Variants in PTPRG observed in about 807,000 individuals in gnomAD.
PTPRG encodes protein tyrosine phosphatase receptor type G.
A neutral mutation model predicts 165.3 loss-of-function variants in PTPRG; 102 were observed. That is an observed-to-expected ratio of 0.62 (90% CI 0.53 to 0.73). The LOEUF (loss-of-function observed/expected upper bound fraction) is 0.73. PTPRG is among the 30% of genes least tolerant of loss of function. The pLI is 0.00. For synonymous variants in PTPRG, 675 were observed against 669.5 expected (o/e 1.01, Z -0.13); for missense variants, 1,866 against 1,861.4 (o/e 1.00, Z -0.05).
At chr3:62,099,581 AG>A (rs1702219778) in intron 5 of PTPRG, among the ~76,000 whole-genome samples, 1 of 152,140 alleles carries the variant, frequency 6.6e-6, no homozygotes, top group Non-Finnish European at 1.5e-5. Context: ...GGAAAAAAAA[AG>A]AAAAAACTTA....
chr3:61,634,437 A>C (rs1222724255), intron 1 of PTPRG, among the ~76,000 whole-genome samples: 2 of 151,848 alleles, frequency 1.3e-5, no homozygotes, highest in African/African-American at 4.8e-5. Context: ...ACGGGGTTTC[A>C]GTATGTTGGC....
Position 62,219,630 on chromosome 3 carries a change from G to A in PTPRG, c.2288+647G>A, listed in dbSNP as rs148880101. ...CTGAGCAACTCCGTCAAGCCCACTC[G>A]TTTGGCCTGGGTGCCCTCACCTCTC... On this transcript the variant is annotated intron_variant, in intron 13 of 29. Coordinates refer to ENST00000474889, the MANE Select transcript of PTPRG (RefSeq NM_002841.4). The surrounding 1 kb of genome is among the most constrained non-coding windows in gnomAD (Gnocchi z 4.5). Among the ~76,000 whole-genome samples the A allele has an allele frequency of 1.1e-3, 168 of 152,294 alleles. 3 individuals carry two copies. The East Asian group carries it at 0.028, about 26-fold the overall frequency.
intron 8 of PTPRG, among the ~76,000 whole-genome samples, chr3:62,169,552 T>C (rs187339121): frequency 1.3e-5 from 2 of 152,072 alleles, no homozygotes; most frequent in Admixed American, 6.6e-5. Flanking sequence ...CTCACACCTC[T>C]CCTCTCAGGC....
intron 1 of PTPRG, among the ~76,000 whole-genome samples, chr3:61,617,926 AAC>A (rs1701340686): frequency 6.6e-6 from 1 of 152,240 alleles, no homozygotes; most frequent in Non-Finnish European, 1.5e-5. Context: ...CCTGTAGGAA[AAC>A]GTCTGATAGT....
intron 11 of PTPRG, among the ~76,000 whole-genome samples, chr3:62,202,900 C>T (rs1700128474): frequency 6.6e-6 from 1 of 152,190 alleles, no homozygotes; most frequent in African/African-American, 2.4e-5. Flanking sequence ...CACCTAGCCT[C>T]ATCTTGGGTA....
intron 4 of PTPRG, among the ~76,000 whole-genome samples, chr3:62,049,120 CAAAA>C (rs200692890): frequency 7.3e-6 from 1 of 136,506 alleles, no homozygotes; most frequent in Non-Finnish European, 1.6e-5. Context: ...CAAAACAAAA[CAAAA>C]AAAAAAACAG....
intron 1 of PTPRG, among the ~76,000 whole-genome samples, chr3:61,598,881 T>C (rs757005133): frequency 1.3e-5 from 2 of 152,134 alleles, no homozygotes; most frequent in Non-Finnish European, 2.9e-5. Context: ...CATGTTCACC[T>C]GGTGTTCTCC....
intron 2 of PTPRG, among the ~76,000 whole-genome samples, chr3:61,900,560 C>T (rs1399297315): frequency 6.6e-6 from 1 of 152,118 alleles, no homozygotes; most frequent in African/African-American, 2.4e-5. Context: ...CCAAACACCT[C>T]CTCTTCAAAT....
intron 4 of PTPRG, among the ~76,000 whole-genome samples, chr3:62,004,673 G>A (rs899456925): frequency 2.0e-5 from 3 of 152,202 alleles, no homozygotes; most frequent in African/African-American, 4.8e-5. Context: ...GGCTTTCTGT[G>A]CAGCGAGCAG....
intron 5 of PTPRG, among the ~76,000 whole-genome samples, chr3:62,106,162 G>T (rs539834120): frequency 6.6e-6 from 1 of 152,112 alleles, no homozygotes; most frequent in Non-Finnish European, 1.5e-5. Flanking sequence ...AAGGTGATAT[G>T]GGCAGATTTT....
chr3:62,291,398 G>C (rs1057259174), intron 28 of PTPRG, among the ~76,000 whole-genome samples: 2 of 152,038 alleles, frequency 1.3e-5, no homozygotes, highest in East Asian at 3.9e-4. Context: ...TGTCCATCTA[G>C]AAGGTAAACC....
intron 2 of PTPRG, among the ~76,000 whole-genome samples, chr3:61,885,206 C>T (rs1225326684): frequency 1.3e-5 from 2 of 152,012 alleles, no homozygotes; most frequent in African/African-American, 2.4e-5. Context: ...TAAACTATGA[C>T]AGTTTGCTTA....
At chr3:62,033,972 G>A (rs1477741238) in intron 4 of PTPRG, among the ~76,000 whole-genome samples, 1 of 151,820 alleles carries the variant, frequency 6.6e-6, no homozygotes, top group African/African-American at 2.4e-5. Flanking sequence ...CACCGTGTTG[G>A]CCAGGCTGGT....
At chr3:62,100,507 C>T (rs943260514) in intron 5 of PTPRG, among the ~76,000 whole-genome samples, 39 of 152,208 alleles carry the variant, frequency 2.6e-4, no homozygotes, top group South Asian at 4.2e-4. Context: ...GCTTTCTTCA[C>T]CATGGATTTG....
At chr3:62,039,081 C>T (rs1479201730) in intron 4 of PTPRG, among the ~76,000 whole-genome samples, 1 of 152,092 alleles carries the variant, frequency 6.6e-6, no homozygotes, top group Non-Finnish European at 1.5e-5. Context: ...ACTACAGGCA[C>T]ATGCCACCAT....
intron 2 of PTPRG, among the ~76,000 whole-genome samples, chr3:61,788,006 T>C (rs1225818731): frequency 6.6e-6 from 1 of 152,178 alleles, no homozygotes; most frequent in Non-Finnish European, 1.5e-5. Flanking sequence ...AAAGGATTTG[T>C]AGCAGTATTC....
intron 5 of PTPRG, among the ~76,000 whole-genome samples, chr3:62,103,972 A>C (rs1702384298): frequency 6.6e-6 from 1 of 152,206 alleles, no homozygotes; most frequent in Non-Finnish European, 1.5e-5. Flanking sequence ...TAAAATCATA[A>C]ATGAAATAAA....
chr3:62,175,908 G>T (rs1467265566), intron 8 of PTPRG, among the ~76,000 whole-genome samples: 1 of 152,160 alleles, frequency 6.6e-6, no homozygotes, highest in Non-Finnish European at 1.5e-5. Flanking sequence ...TAAACAAAGG[G>T]GGAAGCAAGA....
intron 1 of PTPRG, among the ~76,000 whole-genome samples, chr3:61,574,381 A>G (rs1232658494): frequency 6.6e-6 from 1 of 152,208 alleles, no homozygotes; most frequent in African/African-American, 2.4e-5. Context: ...TGGTGATTCT[A>G]ATGTGCACAG....
Sources: allele counts gnomAD v4.1 joint callset (sites outside exome capture counted in the v4.1 genomes callset), GRCh38; gene constraint gnomAD v4.1.1; non-coding constraint Gnocchi (gnomAD v3.1); transcripts MANE v1.5; gene names NCBI Gene and HGNC (gene_info 2026-07-23, HGNC 2026-07-21).